The following EYA1 variants were observed in gnomAD, a reference collection of about 807,000 sequenced individuals.
EYA1 encodes the protein protein phosphatase EYA1.
EYA1 carries 16 observed loss-of-function variants against 82.0 expected under a neutral mutation model. That is an observed-to-expected ratio of 0.20 (90% CI 0.13 to 0.30). The LOEUF (loss-of-function observed/expected upper bound fraction) is 0.30. Among genes scored for constraint, EYA1 ranks in the 10% least tolerant of loss-of-function variants. EYA1 has a pLI of 1.00. For missense variants in EYA1, 633 were observed against 730.7 expected (o/e 0.87, Z 1.54); for synonymous variants, 261 against 264.4 (o/e 0.99, Z 0.12).
intron 2 of EYA1, among the ~76,000 whole-genome samples, chr8:71,434,598 G>A (rs1386705174): frequency 2.0e-5 from 3 of 152,130 alleles, no homozygotes; most frequent in African/African-American, 7.2e-5. Context: ...TCCTTCAAAA[G>A]TATGGCTGAA....
At chr8:71,294,587 C>G (rs1026797026) in intron 9 of EYA1, among the ~76,000 whole-genome samples, 1 of 152,004 alleles carries the variant, frequency 6.6e-6, no homozygotes, top group Non-Finnish European at 1.5e-5. Flanking sequence ...TAAAAGAAAT[C>G]AAAGAAGATA....
At chr8:71,440,221 A>G (rs1391067357) in intron 2 of EYA1, among the ~76,000 whole-genome samples, 1 of 152,192 alleles carries the variant, frequency 6.6e-6, no homozygotes, top group Non-Finnish European at 1.5e-5. Flanking sequence ...AAATCACAAA[A>G]GGCCCTATGT....
At position 71,290,292 on chromosome 8, in the gene EYA1, T is replaced by TA. The variant is rs1379961024; in HGVS notation, c.826+8754dup. Among the ~76,000 whole-genome samples the TA allele has an allele frequency of 1.3e-4, 20 of 152,248 alleles. No homozygotes were observed. In the South Asian group the frequency reaches 3.5e-3, roughly 27 times the overall value. On this transcript the variant is annotated intron_variant, in intron 9 of 17. Transcript: ENST00000340726. ...TGTCCTCTTTACAACCATCTCCAAT[T>TA]AAAAAACTGAACCAGTAAATGCCGA...
intron 2 of EYA1, among the ~76,000 whole-genome samples, chr8:71,467,859 A>C (rs1395455452): frequency 6.6e-6 from 1 of 152,148 alleles, no homozygotes; most frequent in Non-Finnish European, 1.5e-5. Context: ...ACTTCACCAC[A>C]TTCAGTTAAG....
At chr8:71,426,504 AG>A (rs1449025440) in intron 2 of EYA1, among the ~76,000 whole-genome samples, 2 of 152,214 alleles carry the variant, frequency 1.3e-5, no homozygotes, top group African/African-American at 4.8e-5. Context: ...CAGGGAAGAG[AG>A]GGGCCTGCTT....
At chr8:71,280,437 C>A (rs1000821329) in intron 9 of EYA1, among the ~76,000 whole-genome samples, 16 of 152,182 alleles carry the variant, frequency 1.1e-4, no homozygotes, top group Admixed American at 2.6e-4. Flanking sequence ...TTCTAACAAA[C>A]CCACCTCTAA....
chr8:71,241,999 A>G (rs1367049405), intron 12 of EYA1, among the ~76,000 whole-genome samples: 2 of 152,276 alleles, frequency 1.3e-5, no homozygotes, highest in East Asian at 3.9e-4. Flanking sequence ...ACCTGAGGTC[A>G]GGAGTTTGAG....
chr8:71,212,076 G>C (rs1395543720), intron 16 of EYA1, among the ~76,000 whole-genome samples: 1 of 152,204 alleles, frequency 6.6e-6, no homozygotes, highest in East Asian at 1.9e-4. Context: ...TCTCAGAGAA[G>C]AAACTGGTGT....
At position 71,432,150 on chromosome 8, in the gene EYA1, A is replaced by G. The variant is rs546258808; in HGVS notation, c.34-75639T>C. Reference sequence around the variant, plus strand: ...CATATTTTGCTGTCCTAAATAGATAACAAGCCTCTTATGGTTAAGAAGCAT... The same window carrying G: ...CATATTTTGCTGTCCTAAATAGATAGCAAGCCTCTTATGGTTAAGAAGCAT... On this transcript the variant is annotated intron_variant, in intron 2 of 18. Transcript: ENST00000643681. Among the ~76,000 whole-genome samples, 4 of 152,304 alleles carry G rather than the reference A, an allele frequency of 2.6e-5. No individual in the cohort carries two copies. The East Asian group carries it at 7.7e-4, about 29-fold the overall frequency.
chr8:71,352,412 A>C (rs1314838231), intron 3 of EYA1, among the ~76,000 whole-genome samples: 1 of 152,214 alleles, frequency 6.6e-6, no homozygotes. Flanking sequence ...GTTTGGGTCC[A>C]CATTTTCAAA....
chr8:71,512,827 A>C (rs1366249957), intron 2 of EYA1, among the ~76,000 whole-genome samples: 1 of 152,162 alleles, frequency 6.6e-6, no homozygotes, highest in Non-Finnish European at 1.5e-5. Context: ...TTAGTAAATA[A>C]ATGCTTTAAA....
chr8:71,437,222 A>G (rs1806079121), intron 2 of EYA1, among the ~76,000 whole-genome samples: 1 of 151,848 alleles, frequency 6.6e-6, no homozygotes, highest in Non-Finnish European at 1.5e-5. Flanking sequence ...GCTGTTATTT[A>G]AGTCAGAATT....
intron 9 of EYA1, among the ~76,000 whole-genome samples, chr8:71,290,714 C>T (rs1178975596): frequency 6.6e-6 from 1 of 152,016 alleles, no homozygotes; most frequent in African/African-American, 2.4e-5. Flanking sequence ...AACTCATTTT[C>T]ATAACGTTTC....
intron 1 of EYA1, among the ~76,000 whole-genome samples, 199 bp downstream of exon 1, chr8:71,361,448 G>A (rs1280578057): frequency 6.6e-6 from 1 of 152,172 alleles, no homozygotes; most frequent in Non-Finnish European, 1.5e-5. Context: ...TTTGGAGGTT[G>A]GGAATTCTAC....
At chr8:71,294,105 A>G (rs1041055608) in intron 9 of EYA1, among the ~76,000 whole-genome samples, 7 of 152,122 alleles carry the variant, frequency 4.6e-5, no homozygotes, top group Non-Finnish European at 1.0e-4. Flanking sequence ...AGGATATAAC[A>G]TAATAGATAA....
intron 2 of EYA1, among the ~76,000 whole-genome samples, chr8:71,391,490 T>A (rs1385571145): frequency 1.3e-5 from 2 of 152,234 alleles, no homozygotes; most frequent in East Asian, 1.9e-4. Context: ...CACCTTTTTT[T>A]ATTCTTTGTA....
chr8:71,512,239 C>G (rs77330143), intron 2 of EYA1, among the ~76,000 whole-genome samples: 8,261 of 152,168 alleles, frequency 0.054, 783 homozygotes, highest in African/African-American at 0.19. Context: ...ATAATATCTT[C>G]TAAGCTAATT....
intron 12 of EYA1, among the ~76,000 whole-genome samples, chr8:71,241,531 G>C (rs1218639139): frequency 6.6e-6 from 1 of 152,082 alleles, no homozygotes; most frequent in Non-Finnish European, 1.5e-5. Context: ...ATTATACCAA[G>C]AGATAGCTGG....
intron 3 of EYA1, among the ~76,000 whole-genome samples, chr8:71,352,188 T>C (rs1826370786): frequency 6.6e-6 from 1 of 152,122 alleles, no homozygotes; most frequent in Non-Finnish European, 1.5e-5. Context: ...AATAGGAAAA[T>C]CTATAATGAC....
Sources: gnomAD v4.1 joint callset for allele counts (sites outside exome capture counted in the v4.1 genomes callset) on GRCh38, gnomAD v4.1.1 for gene constraint, MANE v1.5 for transcripts, NCBI Gene and HGNC (gene_info 2026-07-23, HGNC 2026-07-21) for gene names.